Variants in TRPM6 observed in about 807,000 individuals in gnomAD.
TRPM6 encodes transient receptor potential cation channel subfamily M member 6.
Under a neutral mutation model 247.6 loss-of-function variants are expected in TRPM6, and 111 were observed. The observed-to-expected ratio is 0.45, with a 90% CI of 0.38 to 0.52. TRPM6 has a LOEUF of 0.52. TRPM6 is among the 20% of genes least tolerant of loss of function. The pLI is 0.00. For missense variants in TRPM6, 2,126 were observed against 2,421.5 expected (o/e 0.88, Z 2.56); for synonymous variants, 892 against 853.8 (o/e 1.04, Z -0.78).
intron 30 of TRPM6, among the ~76,000 whole-genome samples, chr9:74,748,994 A>C (rs1826145776): frequency 6.6e-6 from 1 of 152,088 alleles, no homozygotes; most frequent in African/African-American, 2.4e-5. Flanking sequence ...TATCTTCTAT[A>C]CTGTATTTTT....
intron 13 of TRPM6, among the ~76,000 whole-genome samples, chr9:74,810,069 C>T (rs1319313360): frequency 6.6e-6 from 1 of 151,176 alleles, no homozygotes; most frequent in East Asian, 2.0e-4. Flanking sequence ...GCTCACATTC[C>T]TTCTAACAAG....
At chr9:74,746,887 C>T (rs1826066934) in intron 31 of TRPM6, among the ~76,000 whole-genome samples, 1 of 151,772 alleles carries the variant, frequency 6.6e-6, no homozygotes, top group East Asian at 1.9e-4. Context: ...TAGCTAAGAG[C>T]AATGGGGTGG....
chr9:74,834,416 C>T lies in TRPM6; in HGVS notation c.545-294G>A, dbSNP rs546521965. 5.0e-4 allele frequency among the ~76,000 whole-genome samples: 76 copies of T among 152,144 alleles called. 2 individuals are homozygous for T. The South Asian group carries it at 0.015, about 31-fold the overall frequency. On this transcript the variant is annotated intron_variant, in intron 5 of 38. Transcript: ENST00000360774. The stretch of plus-strand genomic sequence containing the variant: ...TCTTGCCTAAGCAAAATGCTGTGCA[C>T]TGTCCTTCCTCAGCAAGCCCAGCCC...
chr9:74,842,981 T>C (rs927342206), intron 3 of TRPM6, among the ~76,000 whole-genome samples: 1 of 152,256 alleles, frequency 6.6e-6, no homozygotes, highest in Non-Finnish European at 1.5e-5. Context: ...CTCTGTAGCA[T>C]GTGATGCTAT....
intron 36 of TRPM6, among the ~76,000 whole-genome samples, chr9:74,733,051 G>A (rs890259338): frequency 8.6e-5 from 13 of 151,868 alleles, no homozygotes; most frequent in Admixed American, 2.6e-4. Context: ...AAAATTAGCC[G>A]GGTTTGGTGG....
intron 8 of TRPM6, 64 bp downstream of exon 8, chr9:74,821,605 A>C (rs941175691): frequency 6.3e-7 from 1 of 1,586,596 alleles, no homozygotes; most frequent in African/African-American, 1.3e-5. Context: ...TGCACAGCCA[A>C]AAGAACTAAA....
chr9:74,773,727 C>T (rs1827124994), intron 24 of TRPM6, among the ~76,000 whole-genome samples: 1 of 152,154 alleles, frequency 6.6e-6, no homozygotes, highest in Non-Finnish European at 1.5e-5. Flanking sequence ...ATTTAAAATG[C>T]AATTGTTACA....
Position 74,739,587 on chromosome 9 carries a change from T to C in TRPM6, c.5487+136A>G, listed in dbSNP as rs142597621. The C allele has an allele frequency of 1.2e-4, 187 of 1,512,360 alleles. 1 individual carries two copies. The African/African-American group carries it at 1.8e-3, about 14-fold the overall frequency. The allele number at this position is 1,512,360 out of a possible 1,614,324, so 93.7% of individuals were successfully genotyped here. A position where few individuals can be genotyped will look rare whatever the true frequency, so the allele number is the denominator to read the frequency against. On this transcript the variant is annotated intron_variant, in intron 34 of 38. Coordinates refer to ENST00000360774, the MANE Select transcript of TRPM6 (RefSeq NM_017662.5). ...CTGCCTGCCCCAAAAGCAAAAGTCC[T>C]ACAAAGCAATACTACCTCTAAAAAA...
Position 74,797,038 on chromosome 9 carries a change from G to A in TRPM6, c.2239-145C>T, listed in dbSNP as rs1828123179. The A allele has an allele frequency of 6.6e-6, 5 of 761,544 alleles. No homozygotes were observed. In the South Asian group the frequency reaches 8.0e-5, roughly 12 times the overall value. 47.2% of individuals were successfully genotyped at this position (761,544 alleles called of 1,614,324 possible). Reference sequence around the variant, plus strand: ...ATCGCATTTCTATAAATAATTTTTTGACTCGGCAACTTCAGTTCTAGTGTT... The same window carrying A: ...ATCGCATTTCTATAAATAATTTTTTAACTCGGCAACTTCAGTTCTAGTGTT... On this transcript the variant is annotated intron_variant, in intron 17 of 38. Transcript: ENST00000360774.
rs558110820 is a variant in TRPM6 at position 74,834,063 on chromosome 9, T to C, written c.604A>G (p.Ile202Val). 10 of 1,614,086 alleles carry C rather than the reference T, an allele frequency of 6.2e-6. No individual in the cohort carries two copies. Among genetic ancestry groups the C allele is most frequent in the Non-Finnish European group, 8.5e-6 (10 of 1,179,972 alleles). The change falls in exon 6 of 39, where the codon ATC becomes GTC. Residue 202 changes from isoleucine (I) to valine (V), a missense_variant. Physicochemically the swap from Ile to Val is conservative, Grantham distance 29 (BLOSUM62 3). Transcript: ENST00000360774. ...CAAGGAGGGATTCCAACTGTCCAGA[T>C]TTTTCTCAAGGAATGAGAGGAATGG... ...KSHSSHSLRKIWTVGIPPWGV... is the reference protein window; with the variant it reads ...KSHSSHSLRKVWTVGIPPWGV...
chr9:74,820,305 C>A lies in TRPM6; in HGVS notation c.1133G>T (p.Cys378Phe), dbSNP rs200855231. ...GAATCATCAACTCGTCATACTCACA[C>A]AATCCCTGTGAACCATACACTCCAT... ...ILMECMVHRDCITIFDADSEE... is the reference protein window; with the variant it reads ...ILMECMVHRDFITIFDADSEE... The change falls in exon 9 of 39, where the codon TGT (cysteine) becomes TTT (phenylalanine). Residue 378 changes from cysteine to phenylalanine, a missense_variant and splice_region_variant. Physicochemically the swap from Cys to Phe is radical, Grantham distance 205. This residue lies in a region of TRPM6 where 1,082 missense variants were observed against 1,307.9 expected (regional missense o/e 0.83). Transcript: ENST00000360774. 1.9e-5 allele frequency: 30 copies of A among 1,613,940 alleles called. No individual in the cohort carries two copies. The highest frequency in any genetic ancestry group is 1.7e-6 in the Non-Finnish European group (2 of 1,179,940).
intron 1 of TRPM6, among the ~76,000 whole-genome samples, chr9:74,870,442 A>G (rs185853168): frequency 6.6e-6 from 1 of 152,292 alleles, no homozygotes; most frequent in African/African-American, 2.4e-5. Flanking sequence ...ATGTCAAGCT[A>G]TAATGAAAGG....
intron 8 of TRPM6, 111 bp from the exon 9 acceptor site, chr9:74,820,538 C>A: frequency 1.5e-6 from 2 of 1,332,162 alleles, no homozygotes; most frequent in Non-Finnish European, 2.1e-6. Flanking sequence ...TGTCTATGGA[C>A]AGTTCTGCCA....
At position 74,725,071 on chromosome 9, in the gene TRPM6, T is replaced by C. The variant is rs144508733; in HGVS notation, c.5936-325A>G. Among the ~76,000 whole-genome samples the C allele has an allele frequency of 2.3e-3, 355 of 152,220 alleles. 2 individuals are homozygous for C. Among genetic ancestry groups the C allele is most frequent in the African/African-American group, 8.0e-3 (333 of 41,534 alleles). On this transcript the variant is annotated intron_variant, in intron 38 of 38. Coordinates refer to ENST00000360774, the MANE Select transcript of TRPM6 (RefSeq NM_017662.5). ...CCAAATGGGAAATGGGGCATTTTAC[T>C]ACTGAATGACAGGCAGAGGCAGAGA...
intron 11 of TRPM6, among the ~76,000 whole-genome samples, chr9:74,813,660 A>G (rs77836472): frequency 0.028 from 4,221 of 152,274 alleles, 188 homozygotes; most frequent in African/African-American, 0.093. Context: ...CGGAATTTCC[A>G]AAGAGTTTTT....
intron 2 of TRPM6, among the ~76,000 whole-genome samples, chr9:74,856,299 G>T (rs148701205): frequency 5.3e-5 from 8 of 152,186 alleles, no homozygotes; most frequent in African/African-American, 1.7e-4. Context: ...AATTAGCCCT[G>T]TGTGCTGATA....
intron 25 of TRPM6, among the ~76,000 whole-genome samples, chr9:74,763,672 G>A (rs1285557373): frequency 1.3e-5 from 2 of 151,816 alleles, no homozygotes; most frequent in Admixed American, 6.6e-5. Context: ...GTTCAAACAG[G>A]CTTCCCAAGT....
chr9:74,731,423 T>C (rs926689249), intron 37 of TRPM6, among the ~76,000 whole-genome samples: 4 of 151,990 alleles, frequency 2.6e-5, no homozygotes, highest in African/African-American at 9.7e-5. Flanking sequence ...TTTATGTATA[T>C]AAGAGTGGTA....
At chr9:74,805,084 A>G (rs187816616) in intron 14 of TRPM6, among the ~76,000 whole-genome samples, 3 of 152,364 alleles carry the variant, frequency 2.0e-5, no homozygotes, top group Admixed American at 6.5e-5. Context: ...AAATGAGCAA[A>G]GACTGAATCA....
Sources: gnomAD v4.1 joint callset for allele counts (sites outside exome capture counted in the v4.1 genomes callset) on GRCh38, gnomAD v4.1.1 for gene constraint, gnomAD v4.1.1 regional missense constraint, MANE v1.5 for transcripts, NCBI Gene and HGNC (gene_info 2026-07-23, HGNC 2026-07-21) for gene names.